Variants in ENOX1 observed in about 807,000 individuals in gnomAD.
The protein encoded by ENOX1 is candidate growth-related and time keeping constitutive hydroquinone (NADH) oxidase.
In ENOX1, 42 loss-of-function variants were observed where a neutral mutation model predicts 82.5. The ratio of observed to expected loss-of-function variants is 0.51; its 90% confidence interval spans 0.40 to 0.66. The LOEUF (loss-of-function observed/expected upper bound fraction) is 0.66, where lower values mean the gene tolerates loss of function less well. Ranked by LOEUF, ENOX1 falls within the 30% of genes least tolerant of loss-of-function variation. ENOX1 has a pLI of 0.00. For missense variants in ENOX1, 608 were observed against 811.6 expected (o/e 0.75, Z 3.05); for synonymous variants, 271 against 282.2 (o/e 0.96, Z 0.40).
intron 1 of ENOX1, among the ~76,000 whole-genome samples, chr13:43,762,318 A>C (rs543347088): frequency 6.6e-6 from 1 of 152,192 alleles, no homozygotes; most frequent in Non-Finnish European, 1.5e-5. Flanking sequence ...AGAAGAGGGA[A>C]AGGTGTGCAA....
At chr13:43,470,320 A>G (rs1479607462) in intron 3 of ENOX1, among the ~76,000 whole-genome samples, 3,079 of 43,304 alleles carry the variant, frequency 0.071, 467 homozygotes, top group African/African-American at 0.19. Flanking sequence ...ATATATACAC[A>G]TATATATATG....
rs80069140 is a variant in ENOX1 at position 43,234,751 on chromosome 13, A to G, written c.1714+1885T>C. 9.6e-3 allele frequency among the ~76,000 whole-genome samples: 1,467 copies of G among 152,320 alleles called. 28 individuals carry two copies. The highest frequency in any genetic ancestry group is 0.033 in the African/African-American group (1,385 of 41,576). ...AAATGTAATCTTCCTACCTACTCCC[A>G]TTAATGTACTGCATATAAAGCACAT... On this transcript the variant is annotated intron_variant, in intron 15 of 16. Transcript: ENST00000690772.
At chr13:43,308,126 A>T (rs545873704) in intron 11 of ENOX1, among the ~76,000 whole-genome samples, 6 of 144,018 alleles carry the variant, frequency 4.2e-5, no homozygotes, top group Non-Finnish European at 9.1e-5. Flanking sequence ...TTGCATCACC[A>T]CTCATATCAG....
At chr13:43,292,738 G>A (rs2046069913) in intron 12 of ENOX1, among the ~76,000 whole-genome samples, 1 of 151,842 alleles carries the variant, frequency 6.6e-6, no homozygotes, top group Non-Finnish European at 1.5e-5. Flanking sequence ...CACCACCATA[G>A]CCACCAACAC....
In ENOX1 at chr13:43,770,953, A is replaced by C. The variant is rs564800314; in HGVS notation, c.-285+15699T>G. On this transcript the variant is annotated intron_variant, in intron 1 of 16. Transcript: ENST00000690772. ...ATATCCCTCTCCAAACTTGTGTTCC[A>C]GGAGAAAAAAAAAATCAAGAAAACT... 1.1e-4 allele frequency among the ~76,000 whole-genome samples: 16 copies of C among 152,190 alleles called. 1 individual carries two copies. The highest frequency in any genetic ancestry group is 3.9e-4 in the African/African-American group (16 of 41,536).
At chr13:43,392,483 A>T (rs1452720424) in intron 5 of ENOX1, among the ~76,000 whole-genome samples, 2 of 152,208 alleles carry the variant, frequency 1.3e-5, no homozygotes, top group African/African-American at 2.4e-5. Context: ...GTTCAAGACC[A>T]GCCTGGCCAA....
intron 1 of ENOX1, among the ~76,000 whole-genome samples, chr13:43,719,065 G>A: frequency 6.6e-6 from 1 of 152,040 alleles, no homozygotes; most frequent in East Asian, 1.9e-4. Flanking sequence ...TTTATCCCCT[G>A]AAGGCTCAGG....
At chr13:43,216,281 T>C (rs1338994560) in intron 16 of ENOX1, among the ~76,000 whole-genome samples, 1 of 152,230 alleles carries the variant, frequency 6.6e-6, no homozygotes, top group Non-Finnish European at 1.5e-5. Context: ...GAAGATTACT[T>C]AACATTTGTA....
intron 15 of ENOX1, 74 bp from the exon 16 acceptor site, chr13:43,224,212 T>C (rs2289774): frequency 0.16 from 194,324 of 1,196,230 alleles, 16,135 homozygotes; most frequent in Admixed American, 0.18. Flanking sequence ...TGCTGTCTAA[T>C]CCCAGTGACT....
At chr13:43,722,436 G>T (rs1055704474) in intron 1 of ENOX1, among the ~76,000 whole-genome samples, 2 of 152,194 alleles carry the variant, frequency 1.3e-5, no homozygotes, top group African/African-American at 4.8e-5. Context: ...AGGCAGGAAA[G>T]GAGCATGAGG....
chr13:43,719,965 G>A (rs143304232), intron 1 of ENOX1, among the ~76,000 whole-genome samples: 1 of 152,040 alleles, frequency 6.6e-6, no homozygotes, highest in Non-Finnish European at 1.5e-5. Context: ...CCTACAGCAG[G>A]TTCACCTAAT....
intron 3 of ENOX1, among the ~76,000 whole-genome samples, chr13:43,468,572 T>C (rs2057845993): frequency 1.3e-5 from 2 of 151,608 alleles, no homozygotes; most frequent in South Asian, 4.2e-4. Flanking sequence ...GGAGGATAGC[T>C]TGAGCCCAGG....
intron 7 of ENOX1, among the ~76,000 whole-genome samples, chr13:43,358,874 T>C (rs530605049): frequency 6.6e-6 from 1 of 152,350 alleles, no homozygotes; most frequent in East Asian, 1.9e-4. Context: ...GCTTTTAGTT[T>C]TTATTTTCTA....
At chr13:43,766,179 A>C (rs150080101) in intron 1 of ENOX1, among the ~76,000 whole-genome samples, 12 of 152,302 alleles carry the variant, frequency 7.9e-5, no homozygotes, top group African/African-American at 2.9e-4. Context: ...ACATTCTAAA[A>C]GCAAAATTGC....
chr13:43,555,807 A>G (rs2079408100), intron 2 of ENOX1, among the ~76,000 whole-genome samples: 1 of 152,218 alleles, frequency 6.6e-6, no homozygotes, highest in Admixed American at 6.5e-5. Context: ...AAGCAGAAAG[A>G]CAAAGAACAC....
At chr13:43,370,897 C>A (rs1390564739) in intron 5 of ENOX1, among the ~76,000 whole-genome samples, 3 of 108,358 alleles carry the variant, frequency 2.8e-5, no homozygotes, top group African/African-American at 7.7e-5. Flanking sequence ...TTCTATATCC[C>A]CCCTGTCCCC....
At chr13:43,315,008 G>C (rs139366539) in intron 11 of ENOX1, among the ~76,000 whole-genome samples, 67 of 152,156 alleles carry the variant, frequency 4.4e-4, no homozygotes, top group South Asian at 8.3e-4. Context: ...TTTAACAAAG[G>C]CTTGCTTGTT....
At chr13:43,381,701 A>C (rs1480323314) in intron 5 of ENOX1, among the ~76,000 whole-genome samples, 2 of 151,978 alleles carry the variant, frequency 1.3e-5, no homozygotes, top group African/African-American at 4.8e-5. Context: ...TAACATAACT[A>C]CAGTTCCCAT....
At chr13:43,232,416 A>G (rs2042329574) in intron 15 of ENOX1, among the ~76,000 whole-genome samples, 3 of 152,198 alleles carry the variant, frequency 2.0e-5, no homozygotes, top group Admixed American at 2.0e-4. Flanking sequence ...GTTTTCAGAG[A>G]GGAACATACT....
Sources: allele counts gnomAD v4.1 joint callset (sites outside exome capture counted in the v4.1 genomes callset), GRCh38; gene constraint gnomAD v4.1.1; transcripts MANE v1.5; gene names NCBI Gene and HGNC (gene_info 2026-07-23, HGNC 2026-07-21).